UVRAG: variants seen among roughly 807,000 people sequenced by gnomAD.
The protein encoded by UVRAG is UV radiation resistance associated, also known as UV radiation resistance-associated gene protein.
Under a neutral mutation model 78.0 loss-of-function variants are expected in UVRAG, and 19 were observed. That is an observed-to-expected ratio of 0.24 (90% confidence interval 0.17 to 0.36). The LOEUF (loss-of-function observed/expected upper bound fraction) is 0.36. UVRAG is among the 10% of genes least tolerant of loss of function. UVRAG has a pLI of 1.00. For missense variants in UVRAG, 740 were observed against 853.8 expected (o/e 0.87, Z 1.66); for synonymous variants, 323 against 324.6 (o/e 1.00, Z 0.05).
chr11:75,991,203 T>C (rs2135299037), intron 8 of UVRAG, among the ~76,000 whole-genome samples: 1 of 152,338 alleles, frequency 6.6e-6, no homozygotes, highest in Admixed American at 6.5e-5. Flanking sequence ...GACAGTTGTT[T>C]TGTACATACA....
chr11:75,917,998 C>T (rs1165287429), intron 6 of UVRAG, among the ~76,000 whole-genome samples: 2 of 152,128 alleles, frequency 1.3e-5, no homozygotes, highest in Non-Finnish European at 2.9e-5. Context: ...GGCAGTCTAG[C>T]TCCAGAGGCT....
At chr11:76,125,568 C>G (rs1565171369) in intron 14 of UVRAG, among the ~76,000 whole-genome samples, 1 of 152,180 alleles carries the variant, frequency 6.6e-6, no homozygotes, top group Non-Finnish European at 1.5e-5. Flanking sequence ...AACAGCTGGC[C>G]AACATCCTTT....
intron 6 of UVRAG, among the ~76,000 whole-genome samples, chr11:75,926,709 T>A (rs2135088275): frequency 6.6e-6 from 1 of 152,216 alleles, no homozygotes; most frequent in East Asian, 1.9e-4. Flanking sequence ...TTTACTTTGA[T>A]GGGAAAGAGC....
At chr11:75,929,114 T>A (rs1425165052) in intron 6 of UVRAG, among the ~76,000 whole-genome samples, 1 of 152,134 alleles carries the variant, frequency 6.6e-6, no homozygotes, top group Admixed American at 6.5e-5. Flanking sequence ...ACTGTGAGAA[T>A]GTGTATAAAA....
intron 13 of UVRAG, among the ~76,000 whole-genome samples, chr11:76,083,845 T>A (rs1951540129): frequency 6.6e-6 from 1 of 152,228 alleles, no homozygotes; most frequent in Non-Finnish European, 1.5e-5. Context: ...TAAAATCTGA[T>A]AAACATCACT....
chr11:76,140,112 C>T (rs12796024), intron 14 of UVRAG, among the ~76,000 whole-genome samples: 72 of 11,266 alleles, frequency 6.4e-3, no homozygotes, highest in Middle Eastern at 0.17. Flanking sequence ...TCCCTCCCTC[C>T]CTCTCTCTCT....
chr11:76,081,214 C>T (rs1951486964), intron 13 of UVRAG, among the ~76,000 whole-genome samples: 1 of 146,728 alleles, frequency 6.8e-6, no homozygotes, highest in South Asian at 2.2e-4. Context: ...CAGTCTCTCT[C>T]TTTTTTTTTT....
At chr11:75,870,486 A>C (rs2134822211) in intron 3 of UVRAG, among the ~76,000 whole-genome samples, 1 of 152,204 alleles carries the variant, frequency 6.6e-6, no homozygotes, top group African/African-American at 2.4e-5. Context: ...CTTTGAAAGG[A>C]GGTATTATTT....
intron 11 of UVRAG, among the ~76,000 whole-genome samples, chr11:76,012,570 A>G (rs1439426481): frequency 3.3e-5 from 5 of 152,092 alleles, no homozygotes; most frequent in African/African-American, 1.2e-4. Flanking sequence ...CAAGCTGGTT[A>G]TTCTGTGATA....
Position 75,825,801 on chromosome 11 carries a change from A to G in UVRAG, c.117+10277A>G, listed in dbSNP as rs181741323. Among the ~76,000 whole-genome samples, 638 of 151,544 alleles carry G rather than the reference A, an allele frequency of 4.2e-3. 3 individuals are homozygous for G. The highest frequency in any genetic ancestry group is 7.5e-3 in the Non-Finnish European group (509 of 67,934). On this transcript the variant is annotated intron_variant, in intron 1 of 14. Transcript: ENST00000356136. ...TAAACAGAACCTGGGTCTTGTGAAC[A>G]GTTCCACTGTTCTTGGCTGGGTGTG... is the stretch of plus-strand genomic sequence containing the variant.
At chr11:76,045,289 C>T (rs1369609337) in intron 12 of UVRAG, among the ~76,000 whole-genome samples, 1 of 152,210 alleles carries the variant, frequency 6.6e-6, no homozygotes, top group Non-Finnish European at 1.5e-5. Context: ...TTGTACATCT[C>T]CATATGAAAT....
In UVRAG at chr11:76,143,842, T is replaced by C. The variant is rs1952763467; in HGVS notation, c.*2429T>C. ...TTTGTAAATCACTAAGAAAATTGTT[T>C]GCTTGGAAGATATAAGTTGAATTGG... is the stretch of plus-strand genomic sequence containing the variant. On this transcript the variant is annotated 3_prime_UTR_variant, in exon 15 of 15. Coordinates refer to ENST00000356136, the MANE Select transcript of UVRAG (RefSeq NM_003369.4). Among the ~76,000 whole-genome samples, 1 of 152,240 alleles carries C rather than the reference T, an allele frequency of 6.6e-6. No individual in the cohort carries two copies. The highest frequency in any genetic ancestry group is 2.4e-5 in the African/African-American group (1 of 41,454).
At chr11:76,073,602 A>G (rs1204367811) in intron 13 of UVRAG, among the ~76,000 whole-genome samples, 1 of 152,182 alleles carries the variant, frequency 6.6e-6, no homozygotes, top group Non-Finnish European at 1.5e-5. Flanking sequence ...AAAAATATAT[A>G]TAACTCAATG....
intron 1 of UVRAG, among the ~76,000 whole-genome samples, chr11:75,828,111 G>A (rs1194599422): frequency 2.0e-5 from 3 of 152,086 alleles, no homozygotes; most frequent in Admixed American, 1.3e-4. Flanking sequence ...TAATTTACAG[G>A]ACTATACTCA....
intron 1 of UVRAG, chr11:75,838,853 TATTAACGG>T (rs767560078): frequency 4.6e-5 from 7 of 152,254 alleles, no homozygotes; most frequent in Non-Finnish European, 7.3e-5. Context: ...TCCATTTATG[TATTAACGG>T]GTTAATGGGT....
At chr11:75,905,857 A>G (rs530385261) in intron 5 of UVRAG, among the ~76,000 whole-genome samples, 2 of 151,032 alleles carry the variant, frequency 1.3e-5, no homozygotes, top group African/African-American at 4.9e-5. Context: ...TTATAATTCT[A>G]TGATTACCTT....
rs1475185199 is a variant in UVRAG, at chr11:75,960,983, T to C, written c.594-461T>C. Among the ~76,000 whole-genome samples the C allele has an allele frequency of 3.3e-5, 5 of 152,182 alleles. No individual in the cohort carries two copies. The East Asian group carries it at 9.6e-4, about 29-fold the overall frequency. ...TGGTTTTTTCTTATATCTTTGAGAGTGCTGTCTGCTTTGATTCAACCTTCT... is the reference window on the plus strand; with the variant it reads ...TGGTTTTTTCTTATATCTTTGAGAGCGCTGTCTGCTTTGATTCAACCTTCT... On this transcript the variant is annotated intron_variant, in intron 6 of 14. Transcript: ENST00000356136.
intron 14 of UVRAG, among the ~76,000 whole-genome samples, chr11:76,116,996 A>G (rs947407014): frequency 6.6e-6 from 1 of 152,242 alleles, no homozygotes; most frequent in South Asian, 2.1e-4. Context: ...CAAAATAATT[A>G]TTAAAGCTTG....
At chr11:75,866,209 CCT>C (rs142075146) in intron 3 of UVRAG, among the ~76,000 whole-genome samples, 7,981 of 151,644 alleles carry the variant, frequency 0.053, 251 homozygotes, top group African/African-American at 0.091. Context: ...AGAGTGAGAC[CCT>C]GTCTCAAAGG....
Sources: allele counts gnomAD v4.1 joint callset (sites outside exome capture counted in the v4.1 genomes callset), GRCh38; gene constraint gnomAD v4.1.1; transcripts MANE v1.5; gene names NCBI Gene and HGNC (gene_info 2026-07-23, HGNC 2026-07-21).